The following SMIM8 variants were observed in gnomAD, a reference collection of about 807,000 sequenced individuals.
SMIM8 encodes the protein small integral membrane protein 8, also known as UPF0708 protein C6orf162.
In SMIM8, 8 loss-of-function variants were observed where a neutral mutation model predicts 8.1. That is an observed-to-expected ratio of 0.99 (90% confidence interval 0.58 to 1.78). SMIM8 has a LOEUF of 1.78. Ranked by LOEUF, SMIM8 falls within the 40% of genes most tolerant of loss-of-function variation. The pLI, the probability that SMIM8 is intolerant of heterozygous loss-of-function variation, is 0.00. For missense variants in SMIM8, 126 were observed against 119.8 expected, an observed-to-expected ratio of 1.05 and a Z score of -0.24; for synonymous variants, 45 against 39.7, an observed-to-expected ratio of 1.13 and a Z score of -0.50.
intron 1 of SMIM8, among the ~76,000 whole-genome samples, chr6:87,329,698 ACATG>A (rs1562222224): frequency 6.6e-6 from 1 of 152,202 alleles, no homozygotes; most frequent in East Asian, 1.9e-4. Flanking sequence ...ATTGTAATAT[ACATG>A]CAAAGGCCTT....
chr6:87,338,256 C>T (rs769670901), intron 3 of SMIM8, among the ~76,000 whole-genome samples: 1 of 152,066 alleles, frequency 6.6e-6, no homozygotes, highest in Non-Finnish European at 1.5e-5. Flanking sequence ...GAAGTGTCAC[C>T]TAAAGGAAGA....
chr6:87,326,188 T>C (rs1311399832), intron 1 of SMIM8, among the ~76,000 whole-genome samples: 2 of 152,232 alleles, frequency 1.3e-5, no homozygotes, highest in African/African-American at 4.8e-5. Flanking sequence ...TAGCGGTCTA[T>C]CAATTTTGTT....
rs1167131006 is a variant in SMIM8 at position 87,325,501 on chromosome 6, C to CT, written c.-45+2870dup. Among the ~76,000 whole-genome samples, 33 of 88,002 alleles carry CT rather than the reference C, an allele frequency of 3.7e-4. 1 individual carries two copies. The East Asian group carries it at 7.9e-3, about 21-fold the overall frequency. The allele number at this position is 88,002 out of a possible 152,430, so 57.7% of individuals were successfully genotyped here. On this transcript the variant is annotated intron_variant, in intron 1 of 3. Transcript: ENST00000392863. ...AGGGTTATTGAATTTTGTCAAAGGC[C>CT]TGTCTGCATCTATTGAGATAATCAT...
Position 87,340,183 on chromosome 6 carries a change from A to T in SMIM8, c.203A>T (p.His68Leu). 1 of 1,611,200 alleles carries T rather than the reference A, an allele frequency of 6.2e-7. No homozygotes were observed. The highest frequency in any genetic ancestry group is 8.5e-7 in the Non-Finnish European group (1 of 1,178,998). ...TGCGTGGCATATATTGGTTATCTAC[A>T]TGCAATACAAGAGAATAAAAAGGAC... is the stretch of plus-strand genomic sequence containing the variant. ...SLCVAYIGYLHAIQENKKDLY... is the reference protein window; with the variant it reads ...SLCVAYIGYLLAIQENKKDLY... The change falls in exon 4 of 4, where the codon CAT becomes CTT. Residue 68 changes from histidine (H) to leucine (L), a missense_variant. Physicochemically the swap from His to Leu is moderately conservative, Grantham distance 99. Transcript: ENST00000392863.
At chr6:87,336,913 T>C in intron 2 of SMIM8, 96 bp from the exon 3 acceptor site, 1 of 987,796 alleles carries the variant, frequency 1.0e-6, no homozygotes, top group South Asian at 2.3e-5. Flanking sequence ...TGTATCTGGG[T>C]TGGAATTCAA....
At chr6:87,328,913 GC>G (rs1776916455) in intron 1 of SMIM8, among the ~76,000 whole-genome samples, 1 of 152,326 alleles carries the variant, frequency 6.6e-6, no homozygotes, top group South Asian at 2.1e-4. Context: ...GACTCCGTGG[GC>G]GTAGGACCCT....
In SMIM8 at chr6:87,325,625, C is replaced by A. The variant is rs559940909; in HGVS notation, c.-45+2993C>A. ...ATCCCAGGGATGAAGCCCACTTGAT[C>A]ATGGTGGATAAGCTTTTTGATGTGC... On this transcript the variant is annotated intron_variant, in intron 1 of 3. Transcript: ENST00000392863. 4.5e-4 allele frequency among the ~76,000 whole-genome samples: 68 copies of A among 151,250 alleles called. No individual in the cohort carries two copies. The Middle Eastern group carries it at 0.01, about 23-fold the overall frequency.
chr6:87,323,867 T>C (rs1478173667), intron 1 of SMIM8, among the ~76,000 whole-genome samples: 7 of 152,110 alleles, frequency 4.6e-5, no homozygotes, highest in Admixed American at 1.3e-4. Flanking sequence ...TCCACAATGG[T>C]TGTACTGGTT....
At chr6:87,327,319 C>G (rs184750640) in intron 1 of SMIM8, among the ~76,000 whole-genome samples, 4 of 151,622 alleles carry the variant, frequency 2.6e-5, no homozygotes, top group South Asian at 2.1e-4. Context: ...TATGTTAGCT[C>G]GTTATTTTGC....
intron 1 of SMIM8, chr6:87,329,011 T>A (rs1046330362): frequency 6.5e-6 from 1 of 153,338 alleles, no homozygotes; most frequent in African/African-American, 2.4e-5. Context: ...AGTGACCCGA[T>A]TTTCCATGTG....
intron 1 of SMIM8, among the ~76,000 whole-genome samples, chr6:87,324,147 T>G (rs1288932169): frequency 1.3e-5 from 2 of 152,170 alleles, no homozygotes; most frequent in African/African-American, 4.8e-5. Flanking sequence ...TAAATTTGCT[T>G]GAGTTGATTG....
At chr6:87,322,755 G>C (rs1487652972) in intron 1 of SMIM8, 123 bp downstream of exon 1, 1 of 152,240 alleles carries the variant, frequency 6.6e-6, no homozygotes, top group Non-Finnish European at 1.5e-5. Context: ...CTCCCAGGGA[G>C]GGAGCGTCCT....
chr6:87,332,444 T>C (rs147637254), intron 2 of SMIM8, among the ~76,000 whole-genome samples: 1,529 of 149,282 alleles, frequency 0.01, 27 homozygotes, highest in African/African-American at 0.034. Flanking sequence ...TATATAATTT[T>C]ATATACCCCA....
chr6:87,340,939 TA>T lies in SMIM8; in HGVS notation c.*680del, dbSNP rs34117394. On this transcript the variant is annotated 3_prime_UTR_variant, in exon 4 of 4. Transcript: ENST00000392863. The stretch of plus-strand genomic sequence containing the variant: ...TCCCAGAGTAATTGGAGTTTTTCTT[TA>T]AAAAAAAAAAAAAAGTATGTTTTAC... 82,532 of 160,984 alleles carry T rather than the reference TA, an allele frequency of 0.51. 20,230 individuals are homozygous for T. The highest frequency in any genetic ancestry group is 0.61 in the African/African-American group (24,873 of 40,762). The allele number at this position is 160,984 out of a possible 1,614,324, so 10.0% of individuals were successfully genotyped here.
At chr6:87,339,414 G>A (rs972112569) in intron 3 of SMIM8, among the ~76,000 whole-genome samples, 6 of 81,928 alleles carry the variant, frequency 7.3e-5, no homozygotes, top group South Asian at 3.8e-4. Flanking sequence ...AAAACACAGC[G>A]TGTGTGTGTG....
chr6:87,328,772 G>C (rs536358318), intron 1 of SMIM8, among the ~76,000 whole-genome samples: 5,538 of 152,256 alleles, frequency 0.036, 345 homozygotes, highest in African/African-American at 0.13. Context: ...AGCTGTGGTG[G>C]GCTCCACCCA....
At chr6:87,327,063 T>C (rs1468360218) in intron 1 of SMIM8, among the ~76,000 whole-genome samples, 1 of 150,842 alleles carries the variant, frequency 6.6e-6, no homozygotes, top group African/African-American at 2.5e-5. Flanking sequence ...GTTAAAAGTC[T>C]GTTTTATCAG....
chr6:87,332,319 C>CATATATATATATATATA (rs1562223234), intron 2 of SMIM8, among the ~76,000 whole-genome samples: 8 of 97,304 alleles, frequency 8.2e-5, no homozygotes, highest in African/African-American at 3.7e-4. Flanking sequence ...TCCTCCCCCC[C>CATATATATATATATATA]CATATATGTA....
intron 1 of SMIM8, among the ~76,000 whole-genome samples, chr6:87,328,507 G>C (rs538600634): frequency 8.0e-5 from 12 of 150,554 alleles, no homozygotes; most frequent in African/African-American, 2.7e-4. Context: ...TGGAGTACCC[G>C]GCCGTGTGAG....
Sources: gnomAD v4.1 joint callset for allele counts (sites outside exome capture counted in the v4.1 genomes callset) on GRCh38, gnomAD v4.1.1 for gene constraint, MANE v1.5 for transcripts, NCBI Gene and HGNC (gene_info 2026-07-23, HGNC 2026-07-21) for gene names.